Variants in MAP3K4 observed in about 807,000 individuals in gnomAD.
MAP3K4 encodes the protein MAP three kinase 1.
In MAP3K4, 67 loss-of-function variants were observed where a neutral mutation model predicts 185.6. The ratio of observed to expected loss-of-function variants is 0.36; its 90% CI spans 0.30 to 0.44. The LOEUF is 0.44. Among genes scored for constraint, MAP3K4 ranks in the 20% least tolerant of loss-of-function variants. MAP3K4 has a pLI of 1.00. For missense variants in MAP3K4, 1,551 were observed against 1,995.1 expected, an observed-to-expected ratio of 0.78 and a Z score of 4.24; for synonymous variants, 702 against 710.4, an observed-to-expected ratio of 0.99 and a Z score of 0.19.
chr6:161,081,697 G>A (rs536006527), intron 6 of MAP3K4, among the ~76,000 whole-genome samples: 30 of 152,288 alleles, frequency 2.0e-4, no homozygotes, highest in Non-Finnish European at 3.1e-4. Context: ...GCTTGGGATC[G>A]CTGGGCACAG....
intron 1 of MAP3K4, among the ~76,000 whole-genome samples, chr6:161,011,330 T>C (rs77836084): frequency 0.021 from 3,261 of 152,252 alleles, 128 homozygotes; most frequent in African/African-American, 0.076. Context: ...GGTGACTTTT[T>C]TTCTATAAAG....
At chr6:161,089,210 G>T in intron 10 of MAP3K4, 112 bp from the exon 11 acceptor site, 2 of 1,167,906 alleles carry the variant, frequency 1.7e-6, no homozygotes, top group Non-Finnish European at 1.2e-6. Context: ...TGATTAGATG[G>T]TTGTTGGCCT....
Position 161,067,735 on chromosome 6 carries a change from CAA to C in MAP3K4, c.1708-2872_1708-2871del, listed in dbSNP as rs1489432571. 6.6e-6 allele frequency among the ~76,000 whole-genome samples: 1 copy of C among 152,160 alleles called. No individual in the cohort carries two copies. The highest frequency in any genetic ancestry group is 1.5e-5 in the Non-Finnish European group (1 of 68,024). On this transcript the variant is annotated intron_variant, in intron 3 of 26. Transcript: ENST00000392142. This position sits in a 1 kb window ranked among gnomAD's most constrained non-coding sequence, Gnocchi z 6.3. ...GACTAAACGTCTGTGTTTTAAGAGA[CAA>C]GAATTTTTTCCTTTCAGACGTTTAA...
intron 1 of MAP3K4, among the ~76,000 whole-genome samples, chr6:161,013,947 T>C (rs907299942): frequency 1.3e-5 from 2 of 152,206 alleles, no homozygotes; most frequent in Non-Finnish European, 1.5e-5. Context: ...GCCCCATCAC[T>C]GTTTTAGCTA....
chr6:161,003,547 T>G (rs1393034649), intron 1 of MAP3K4, among the ~76,000 whole-genome samples: 1 of 152,212 alleles, frequency 6.6e-6, no homozygotes. Context: ...AAGACTGTAC[T>G]GCAAGGTACC....
At chr6:161,019,733 T>A (rs1206335349) in intron 1 of MAP3K4, among the ~76,000 whole-genome samples, 1 of 152,178 alleles carries the variant, frequency 6.6e-6, no homozygotes, top group Non-Finnish European at 1.5e-5. Flanking sequence ...AAGGCTTTTT[T>A]ATTGTGTTTA....
At chr6:161,035,636 T>C (rs1464779) in intron 2 of MAP3K4, among the ~76,000 whole-genome samples, 120,146 of 152,146 alleles carry the variant, frequency 0.79, 47,904 homozygotes, top group East Asian at 0.99. Context: ...CTTACCCCTT[T>C]GGAAATTTCC....
At position 161,043,643 on chromosome 6, in the gene MAP3K4, T is replaced by G. The variant is rs528823048; in HGVS notation, c.344-4973T>G. Among the ~76,000 whole-genome samples, 1 of 152,330 alleles carries G rather than the reference T, an allele frequency of 6.6e-6. No homozygotes were observed. Among genetic ancestry groups the G allele is most frequent in the East Asian group, 1.9e-4 (1 of 5,188 alleles). The stretch of plus-strand genomic sequence containing the variant: ...CCTTACCTGGAAAATGGAAGCTGGA[T>G]AAAGCAATTTCTCAAAATGTGGAGC... On this transcript the variant is annotated intron_variant, in intron 2 of 26. Coordinates refer to ENST00000392142, the MANE Select transcript of MAP3K4 (RefSeq NM_005922.4). The surrounding 1 kb of genome is among the most constrained non-coding windows in gnomAD (Gnocchi z 4.3).
At chr6:161,060,544 T>G (rs945929391) in intron 3 of MAP3K4, among the ~76,000 whole-genome samples, 18 of 152,130 alleles carry the variant, frequency 1.2e-4, no homozygotes, top group Admixed American at 5.2e-4. Context: ...TGTTATTTAG[T>G]GTAACTGGCT....
In MAP3K4 at chr6:161,101,098, A is replaced by AAT. The variant is rs551013061; in HGVS notation, c.3675-793_3675-792dup. Reference sequence around the variant, plus strand: ...ATATACTAAATGACTTTAATAAACTAATGCCATATTTATTTGAGGTTCTTT... The same window carrying AAT: ...ATATACTAAATGACTTTAATAAACTAATATGCCATATTTATTTGAGGTTCTTT... On this transcript the variant is annotated intron_variant, in intron 17 of 26. Transcript: ENST00000392142. This position sits in a 1 kb window ranked among gnomAD's most constrained non-coding sequence, Gnocchi z 5.1. 3.3e-5 allele frequency: 5 copies of AAT among 152,340 alleles called. No homozygotes were observed. The East Asian group carries it at 9.6e-4, about 29-fold the overall frequency. 9.4% of individuals were successfully genotyped at this position (152,340 alleles called of 1,614,324 possible).
At chr6:160,995,839 G>A (rs980548114) in intron 1 of MAP3K4, among the ~76,000 whole-genome samples, 40 of 152,038 alleles carry the variant, frequency 2.6e-4, no homozygotes, top group African/African-American at 9.2e-4. Flanking sequence ...TGGATATTAA[G>A]GCTGATATAA....
chr6:161,080,996 A>T lies in MAP3K4; in HGVS notation c.2213A>T (p.His738Leu). The change falls in exon 6 of 27, where the codon CAT becomes CTT. Residue 738 changes from histidine to leucine, a missense_variant. His to Leu is a moderately conservative substitution (Grantham distance 99, BLOSUM62 -3). This residue lies in a region of MAP3K4 where 130 missense variants were observed against 171.3 expected (regional missense o/e 0.76). Transcript: ENST00000392142. The surrounding 1 kb of genome is among the most constrained non-coding windows in gnomAD (Gnocchi z 4.8). ...TGGAATTTCACCAAAGAAATAACTC[A>T]TTACATACGGGGAGGAGAAGCACAG... ...EEWNFTKEIT[H>L]YIRGGEAQAG... 6.2e-7 allele frequency: 1 copy of T among 1,613,874 alleles called. No individual in the cohort carries two copies. The highest frequency in any genetic ancestry group is 8.5e-7 in the Non-Finnish European group (1 of 1,179,718).
chr6:161,073,662 T>A lies in MAP3K4; in HGVS notation c.2097+50T>A, dbSNP rs756675209. 1.9e-6 allele frequency: 3 copies of A among 1,575,260 alleles called. No individual in the cohort carries two copies. In the East Asian group the frequency reaches 6.8e-5, roughly 36 times the overall value. ...TTCTTTCTTTCTTTGTTTCTTTTTT[T>A]AAAAAAGTAAGCCTGTATTTCCTTG... On this transcript the variant is annotated intron_variant, in intron 5 of 26. Coordinates refer to ENST00000392142, the MANE Select transcript of MAP3K4 (RefSeq NM_005922.4). This position sits in a 1 kb window ranked among gnomAD's most constrained non-coding sequence, Gnocchi z 4.2.
intron 1 of MAP3K4, among the ~76,000 whole-genome samples, chr6:161,002,780 A>G (rs1051684318): frequency 3.9e-5 from 6 of 151,924 alleles, no homozygotes; most frequent in Middle Eastern, 3.4e-3. Flanking sequence ...TTTAGTGGAG[A>G]TGGAGTTTCA....
chr6:161,070,528 G>C lies in MAP3K4; in HGVS notation c.1708-80G>C. 8.3e-7 allele frequency: 1 copy of C among 1,200,016 alleles called. No individual in the cohort carries two copies. Among genetic ancestry groups the C allele is most frequent in the Non-Finnish European group, 1.2e-6 (1 of 846,728 alleles). 74.3% of individuals were successfully genotyped at this position (1,200,016 alleles called of 1,614,324 possible). ...TGTAGATTTGTTAGCACATTGTAGA[G>C]AATAAGAGTTTATAACCACAACCGT... On this transcript the variant is annotated intron_variant, in intron 3 of 26. Coordinates refer to ENST00000392142, the MANE Select transcript of MAP3K4 (RefSeq NM_005922.4). The surrounding 1 kb of genome is among the most constrained non-coding windows in gnomAD (Gnocchi z 4.5).
At chr6:161,023,764 T>C (rs1347281145) in intron 1 of MAP3K4, among the ~76,000 whole-genome samples, 1 of 152,248 alleles carries the variant, frequency 6.6e-6, no homozygotes, top group Non-Finnish European at 1.5e-5. Flanking sequence ...CATTTTGAAG[T>C]TGTTTACAAC....
At chr6:161,014,235 C>G (rs533947966) in intron 1 of MAP3K4, among the ~76,000 whole-genome samples, 1 of 152,242 alleles carries the variant, frequency 6.6e-6, no homozygotes, top group South Asian at 2.1e-4. Context: ...TTTTAGGCTT[C>G]TTATGCAAGA....
chr6:161,050,489 A>G (rs1313884174), intron 3 of MAP3K4, among the ~76,000 whole-genome samples: 3 of 152,342 alleles, frequency 2.0e-5, no homozygotes, highest in Non-Finnish European at 4.4e-5. Context: ...GATCAAGGGG[A>G]AAAAGCCAAC....
At chr6:160,995,123 T>C (rs1780931233) in intron 1 of MAP3K4, among the ~76,000 whole-genome samples, 1 of 152,226 alleles carries the variant, frequency 6.6e-6, no homozygotes, top group African/African-American at 2.4e-5. Context: ...TAATTATTAT[T>C]TTTAAATTAT....
Sources: gnomAD v4.1 joint callset for allele counts (sites outside exome capture counted in the v4.1 genomes callset) on GRCh38, gnomAD v4.1.1 for gene constraint, gnomAD v4.1.1 regional missense constraint, Gnocchi (gnomAD v3.1) non-coding constraint, MANE v1.5 for transcripts, NCBI Gene and HGNC (gene_info 2026-07-23, HGNC 2026-07-21) for gene names.